The following DHX33 variants were observed in gnomAD, a reference collection of about 807,000 sequenced individuals.
DHX33 encodes the protein DEAH-box helicase 33, also known as ATP-dependent RNA helicase DHX33.
In DHX33, 42 loss-of-function variants were observed where a neutral mutation model predicts 72.5. The observed-to-expected ratio is 0.58, with a 90% confidence interval of 0.45 to 0.75. The LOEUF (loss-of-function observed/expected upper bound fraction) is 0.75, where lower values mean the gene tolerates loss of function less well. Among genes scored for constraint, DHX33 ranks in the 30% least tolerant of loss-of-function variants. The pLI is 0.00. For synonymous variants in DHX33, 358 were observed against 366.1 expected (o/e 0.98, Z 0.25); for missense variants, 842 against 917.5 (o/e 0.92, Z 1.06).
At chr17:5,453,696 G>A (rs751929662) in intron 7 of DHX33, 28 bp from the exon 8 acceptor site, 1 of 1,613,378 alleles carries the variant, frequency 6.2e-7, no homozygotes. Flanking sequence ...CCAGGGTCAT[G>A]ACCTGATCCC....
intron 3 of DHX33, 27 bp downstream of exon 3, chr17:5,462,292 T>C (rs1201305020): frequency 5.0e-6 from 8 of 1,603,130 alleles, no homozygotes; most frequent in Non-Finnish European, 6.0e-6. Flanking sequence ...GTTTCCCTCA[T>C]ACTTTCAGGG....
intron 3 of DHX33, among the ~76,000 whole-genome samples, chr17:5,462,043 G>A (rs1425325907): frequency 1.3e-5 from 2 of 150,566 alleles, no homozygotes; most frequent in East Asian, 2.0e-4. Context: ...GGGTTCAGGC[G>A]ATTCTCATGC....
In DHX33 at chr17:5,443,999, T is replaced by G; in HGVS notation, c.*206A>C. ...ACCCAGTAAGAACCAAAAGCATAAT[T>G]TTGAGGTTTCCAGGTACAAATGATA... On this transcript the variant is annotated 3_prime_UTR_variant, in exon 12 of 12. Coordinates refer to ENST00000225296, the MANE Select transcript of DHX33 (RefSeq NM_020162.4). 3.7e-6 allele frequency: 2 copies of G among 536,034 alleles called. No individual in the cohort carries two copies. The highest frequency in any genetic ancestry group is 6.3e-6 in the Non-Finnish European group (2 of 316,246). 33.2% of individuals were successfully genotyped at this position (536,034 alleles called of 1,614,324 possible).
chr17:5,456,193 A>T lies in DHX33; in HGVS notation c.850-11T>A. 6.2e-7 allele frequency: 1 copy of T among 1,613,336 alleles called. No individual in the cohort carries two copies. Among genetic ancestry groups the T allele is most frequent in the Non-Finnish European group, 8.5e-7 (1 of 1,179,392 alleles). ...TGAAGAAGGGGCTTCCTGTAAAAAA[A>T]GTAGAGTGGGTTTACTAGGCATTGA... On this transcript the variant is annotated splice_polypyrimidine_tract_variant and intron_variant, in intron 4 of 11. Transcript: ENST00000225296.
chr17:5,450,529 C>T (rs1208122991), intron 9 of DHX33, 123 bp from the exon 10 acceptor site: 5 of 1,086,130 alleles, frequency 4.6e-6, no homozygotes, highest in East Asian at 2.5e-5. Flanking sequence ...TTTCTAAAAC[C>T]ATGGCGATGT....
At chr17:5,450,580 G>C (rs1021445139) in intron 9 of DHX33, among the ~76,000 whole-genome samples, 174 bp from the exon 10 acceptor site, 5 of 152,160 alleles carry the variant, frequency 3.3e-5, no homozygotes, top group African/African-American at 1.2e-4. Context: ...AATAAAACAG[G>C]TGACTGCCTT....
In DHX33 at chr17:5,444,938, G is replaced by C. The variant is rs538220237; in HGVS notation, c.1816-425C>G. 5.3e-5 allele frequency among the ~76,000 whole-genome samples: 8 copies of C among 152,236 alleles called. No homozygotes were observed. The highest frequency in any genetic ancestry group is 1.9e-4 in the African/African-American group (8 of 41,538). On this transcript the variant is annotated intron_variant, in intron 11 of 11. Transcript: ENST00000225296. The surrounding 1 kb of genome is among the most constrained non-coding windows in gnomAD (Gnocchi z 4.9). Reference sequence around the variant, plus strand: ...AGCTAATCTACCTAAAGCACAACTCGAATCACTCTTCATCCACTCAAATAC... The same window carrying C: ...AGCTAATCTACCTAAAGCACAACTCCAATCACTCTTCATCCACTCAAATAC...
At chr17:5,447,694 C>T (rs1211894646) in intron 11 of DHX33, among the ~76,000 whole-genome samples, 1 of 152,156 alleles carries the variant, frequency 6.6e-6, no homozygotes, top group Non-Finnish European at 1.5e-5. Context: ...ATCCAAATTC[C>T]CCCATCTAGA....
intron 1 of DHX33, among the ~76,000 whole-genome samples, chr17:5,464,563 G>A (rs1279355668): frequency 6.6e-6 from 1 of 151,954 alleles, no homozygotes; most frequent in Non-Finnish European, 1.5e-5. Context: ...AATTCTACTT[G>A]CAGAAATTGA....
In DHX33 at chr17:5,442,964, A is replaced by G. The variant is rs1916489083; in HGVS notation, c.*1241T>C. ...CAATGAGGGTTAGAGAGAGGTGCCTAGCAGTTAGAAAGCAGCAAAGCCAGA... is the reference window on the plus strand; with the variant it reads ...CAATGAGGGTTAGAGAGAGGTGCCTGGCAGTTAGAAAGCAGCAAAGCCAGA... On this transcript the variant is annotated 3_prime_UTR_variant, in exon 12 of 12. Transcript: ENST00000225296. 2 of 152,200 alleles carry G rather than the reference A, an allele frequency of 1.3e-5. No individual in the cohort carries two copies. Among genetic ancestry groups the G allele is most frequent in the Non-Finnish European group, 2.9e-5 (2 of 68,022 alleles). The allele number at this position is 152,200 out of a possible 1,614,324, so 9.4% of individuals were successfully genotyped here.
At chr17:5,459,314 C>A (rs1904473535) in intron 4 of DHX33, among the ~76,000 whole-genome samples, 1 of 151,878 alleles carries the variant, frequency 6.6e-6, no homozygotes, top group Non-Finnish European at 1.5e-5. Flanking sequence ...ACAAAAGTGA[C>A]TTAATGATTC....
In DHX33 at chr17:5,444,729, A is replaced by G. The variant is rs528470966; in HGVS notation, c.1816-216T>C. On this transcript the variant is annotated intron_variant, in intron 11 of 11. Coordinates refer to ENST00000225296, the MANE Select transcript of DHX33 (RefSeq NM_020162.4). This position sits in a 1 kb window ranked among gnomAD's most constrained non-coding sequence, Gnocchi z 4.9. The stretch of plus-strand genomic sequence containing the variant: ...AGGAGCACGGACCAGAAACAGGGAA[A>G]CTACCGCCTGTGAAGGTAGGGCTGG... Among the ~76,000 whole-genome samples the G allele has an allele frequency of 2.0e-5, 3 of 152,282 alleles. No individual in the cohort carries two copies. In the East Asian group the frequency reaches 5.8e-4, roughly 29 times the overall value.
chr17:5,459,391 A>T lies in DHX33; in HGVS notation c.849+1548T>A, dbSNP rs868123469. 2.0e-4 allele frequency among the ~76,000 whole-genome samples: 11 copies of T among 54,962 alleles called. No homozygotes were observed. In the African/African-American group the frequency reaches 2.1e-3, roughly 10 times the overall value. The allele number at this position is 54,962 out of a possible 152,430, so 36.1% of individuals were successfully genotyped here. On this transcript the variant is annotated intron_variant, in intron 4 of 11. Transcript: ENST00000225296. ...TTAAATATTCTCCTAATATAGTTTA[A>T]AAAAAAAAGAAACTCTAAGTTGCAA...
At position 5,463,565 on chromosome 17, in the gene DHX33, T is replaced by C; in HGVS notation, c.414A>G (p.Arg138=). The C allele has an allele frequency of 2.5e-6, 4 of 1,614,090 alleles. No homozygotes were observed. The highest frequency in any genetic ancestry group is 3.4e-6 in the Non-Finnish European group (4 of 1,180,000). Residue 138 remains arginine, a synonymous_variant, in exon 2 of 12, where the codon AGA becomes AGG. Transcript: ENST00000225296. ...RRVAAISLAT[R]VSDEKRTELG... is the part of the protein sequence containing the mutation. ...GTTCAGTTCTCTTCTCATCTGAGAC[T>C]CTAGTAGCAAGAGAGATGGCAGCTA...
rs138634643 is a variant in DHX33, at chr17:5,450,106, G to A, written c.1728+97C>T. 602 of 1,450,960 alleles carry A rather than the reference G, an allele frequency of 4.1e-4. No individual in the cohort carries two copies. In the African/African-American group the frequency reaches 7.3e-3, roughly 17 times the overall value. 89.9% of individuals were successfully genotyped at this position (1,450,960 alleles called of 1,614,324 possible). ...TTCTTTAGATAATTTAGCCAAAAAG[G>A]GAAAGCGTACTTTTTGCACGGCTTC... On this transcript the variant is annotated intron_variant, in intron 10 of 11. Transcript: ENST00000225296.
rs1249896715 is a variant in DHX33, at chr17:5,450,796, G to C, written c.1524+11C>G. 1 of 1,614,110 alleles carries C rather than the reference G, an allele frequency of 6.2e-7. No homozygotes were observed. The highest frequency in any genetic ancestry group is 1.3e-5 in the African/African-American group (1 of 75,056). The stretch of plus-strand genomic sequence containing the variant: ...GTACAGAAAGAGGACTGAGGAGAGG[G>C]TATCATTTACTTTGGCAAATTTGGG... On this transcript the variant is annotated intron_variant, in intron 9 of 11. Coordinates refer to ENST00000225296, the MANE Select transcript of DHX33 (RefSeq NM_020162.4).
chr17:5,465,354 C>T (rs774401739), intron 1 of DHX33, among the ~76,000 whole-genome samples: 1 of 152,206 alleles, frequency 6.6e-6, no homozygotes, highest in Non-Finnish European at 1.5e-5. Flanking sequence ...TGCAATCTTC[C>T]TGCTGAATCC....
At chr17:5,462,890 C>T (rs1277883645) in intron 2 of DHX33, among the ~76,000 whole-genome samples, 1 of 151,902 alleles carries the variant, frequency 6.6e-6, no homozygotes, top group Non-Finnish European at 1.5e-5. Flanking sequence ...CCAGCCTGAC[C>T]AACATGCTGA....
In DHX33 at chr17:5,456,159, G is replaced by A; in HGVS notation, c.873C>T (p.Ile291=). ...CCTCCTGCCCAGTGAGGAACACCAG[G>A]ATGTCCTGTGAAGAAGGGGCTTCCT... The part of the protein sequence containing the change: ...IHQEAPSSQD[I]LVFLTGQEEI... The change falls in exon 5 of 12, where the codon ATC becomes ATT. Residue 291 remains isoleucine, a synonymous_variant. Coordinates refer to ENST00000225296, the MANE Select transcript of DHX33 (RefSeq NM_020162.4). The A allele has an allele frequency of 6.2e-7, 1 of 1,613,984 alleles. No individual in the cohort carries two copies. Among genetic ancestry groups the A allele is most frequent in the East Asian group, 2.2e-5 (1 of 44,904 alleles).
Sources: allele counts gnomAD v4.1 joint callset (sites outside exome capture counted in the v4.1 genomes callset), GRCh38; gene constraint gnomAD v4.1.1; non-coding constraint Gnocchi (gnomAD v3.1); transcripts MANE v1.5; gene names NCBI Gene and HGNC (gene_info 2026-07-23, HGNC 2026-07-21).